The following CHD1L variants were observed in gnomAD, a reference collection of about 807,000 sequenced individuals.
CHD1L encodes the protein ATP-dependent chromatin remodeler CHD1L.
In CHD1L, 118 loss-of-function variants were observed where a neutral mutation model predicts 115.9. That is an observed-to-expected ratio of 1.02 (90% CI 0.88 to 1.19). The LOEUF is 1.19. Ranked by LOEUF, CHD1L falls within the 50% of genes most tolerant of loss-of-function variation. CHD1L has a pLI of 0.00. For synonymous variants in CHD1L, 411 were observed against 387.1 expected (o/e 1.06, Z -0.72); for missense variants, 1,179 against 1,065.3 (o/e 1.11, Z -1.49).
the CHD1L span, among the ~76,000 whole-genome samples, chr1:147,212,130 A>G: frequency 6.6e-6 from 1 of 152,202 alleles, no homozygotes. Flanking sequence ...CCTGATTAGG[A>G]TAATGAGCCC....
intron 5 of CHD1L, among the ~76,000 whole-genome samples, chr1:147,257,535 A>C (rs1670531428): frequency 6.6e-6 from 1 of 152,160 alleles, no homozygotes; most frequent in Non-Finnish European, 1.5e-5. Flanking sequence ...AATATCAGGA[A>C]AGTAAATCAT....
chr1:147,280,069 C>T lies in CHD1L; in HGVS notation c.1583C>T (p.Ser528Phe), dbSNP rs782717581. 6.2e-7 allele frequency: 1 copy of T among 1,614,070 alleles called. No individual in the cohort carries two copies. The highest frequency in any genetic ancestry group is 8.5e-7 in the Non-Finnish European group (1 of 1,180,014). Residue 528 changes from serine to phenylalanine, a missense_variant, in exon 15 of 23, where the codon TCT (serine) becomes TTT (phenylalanine). Ser to Phe is a radical substitution (Grantham distance 155). Transcript: ENST00000369258. ...LKFGLDKLLA[S>F]EGSTMDEIDL... is the part of the protein sequence containing the mutation. Reference sequence around the variant, plus strand: ...TTTGGTTTGGATAAACTGCTGGCCTCTGAGGGGAGCACCATGGATGAAATA... The same window carrying T: ...TTTGGTTTGGATAAACTGCTGGCCTTTGAGGGGAGCACCATGGATGAAATA...
chr1:147,257,163 T>G (rs1238887052), intron 5 of CHD1L, among the ~76,000 whole-genome samples: 1 of 152,132 alleles, frequency 6.6e-6, no homozygotes, highest in Non-Finnish European at 1.5e-5. Flanking sequence ...AGGGCTAGAG[T>G]TTAGGTAAGA....
Position 147,266,039 on chromosome 1 carries a change from T to A in CHD1L, c.847T>A (p.Ser283Thr), listed in dbSNP as rs587737412. Residue 283 changes from serine to threonine, a missense_variant, in exon 8 of 23, where the codon TCA (serine) becomes ACA (threonine). Ser to Thr is a moderately conservative substitution (Grantham distance 58, BLOSUM62 1). Transcript: ENST00000369258. ...KTEVVIYHGM[S>T]ALQKKYYKAI... ...AGAAGTAGTGATATACCATGGCATG[T>A]CAGCATTGCAGAAGAAATACTACAA... 1.2e-6 allele frequency: 2 copies of A among 1,613,696 alleles called. No individual in the cohort carries two copies. Among genetic ancestry groups the A allele is most frequent in the African/African-American group, 1.3e-5 (1 of 75,034 alleles).
At chr1:147,280,395 C>G (rs1680373495) in intron 15 of CHD1L, among the ~76,000 whole-genome samples, 1 of 152,162 alleles carries the variant, frequency 6.6e-6, no homozygotes, top group Non-Finnish European at 1.5e-5. Context: ...TCCCTTGTAG[C>G]TGAACTGTGA....
intron 19 of CHD1L, among the ~76,000 whole-genome samples, chr1:147,288,244 G>C (rs1235490728): frequency 7.0e-6 from 1 of 142,054 alleles, no homozygotes; most frequent in African/African-American, 2.6e-5. Flanking sequence ...AGGATCACTT[G>C]AGTCTAAGAG....
At chr1:147,185,970 A>G in the CHD1L span, among the ~76,000 whole-genome samples, 3 of 152,204 alleles carry the variant, frequency 2.0e-5, no homozygotes, top group South Asian at 6.2e-4. Context: ...TTCTAATTTA[A>G]TACATAAATG....
intron 10 of CHD1L, 62 bp from the exon 11 acceptor site, chr1:147,270,870 G>A: frequency 7.2e-7 from 1 of 1,385,430 alleles, no homozygotes; most frequent in Admixed American, 1.7e-5. Flanking sequence ...AATTTTGCCT[G>A]AGGGAAATTG....
chr1:147,288,148 G>A (rs1486709549), intron 19 of CHD1L, among the ~76,000 whole-genome samples: 1 of 151,748 alleles, frequency 6.6e-6, no homozygotes, highest in Non-Finnish European at 1.5e-5. Context: ...AACATAGTGA[G>A]ATCCTGTCTC....
the CHD1L span, among the ~76,000 whole-genome samples, chr1:147,232,697 C>A: frequency 5.9e-3 from 904 of 152,210 alleles, 4 homozygotes; most frequent in Non-Finnish European, 9.4e-3. Context: ...GATGGGGTTT[C>A]GCTGTGTTGG....
At chr1:147,281,805 A>T (rs114823926) in intron 15 of CHD1L, among the ~76,000 whole-genome samples, 27,085 of 151,600 alleles carry the variant, frequency 0.18, 3,071 homozygotes, top group Middle Eastern at 0.26. Context: ...AAATATATAT[A>T]TATTTATTTA....
rs782298619 is a variant in CHD1L, at chr1:147,293,632, C to T, written c.2416C>T (p.Arg806Cys). 7 of 1,613,938 alleles carry T rather than the reference C, an allele frequency of 4.3e-6. No individual in the cohort carries two copies. In the African/African-American group the frequency reaches 5.3e-5, roughly 12 times the overall value. ...GTTGGCCTTGATTGTGGCTCAGCAT[C>T]GTGATCGTTCCAATGTCCTGTCTGG... ...DLLALIVAQH[R>C]DRSNVLSGIK... The change falls in exon 21 of 23, where the codon CGT (arginine) becomes TGT (cysteine). Residue 806 changes from arginine to cysteine, a missense_variant. Transcript: ENST00000369258.
chr1:147,198,850 C>CAAAAAAAAA, the CHD1L span, among the ~76,000 whole-genome samples: 46 of 51,560 alleles, frequency 8.9e-4, no homozygotes, highest in East Asian at 1.5e-3. Context: ...GACTGCATCT[C>CAAAAAAAAA]AAAAAAAAAA....
At chr1:147,205,781 A>G in the CHD1L span, among the ~76,000 whole-genome samples, 2 of 152,192 alleles carry the variant, frequency 1.3e-5, no homozygotes, top group Non-Finnish European at 2.9e-5. Context: ...TGGATTAAAG[A>G]CTTAAATGTT....
the CHD1L span, chr1:147,201,542 G>GAA: frequency 6.5e-7 from 1 of 1,531,326 alleles, no homozygotes; most frequent in Non-Finnish European, 9.0e-7. Flanking sequence ...AGAAATGAGA[G>GAA]AAAGAGAAAT....
chr1:147,277,182 G>A (rs1384072608), intron 14 of CHD1L, among the ~76,000 whole-genome samples: 2 of 152,070 alleles, frequency 1.3e-5, no homozygotes, highest in African/African-American at 2.4e-5. Context: ...AGAGTGTGCA[G>A]TAAAAATACA....
the CHD1L span, among the ~76,000 whole-genome samples, chr1:147,195,060 G>C: frequency 6.6e-6 from 1 of 151,970 alleles, no homozygotes; most frequent in East Asian, 1.9e-4. Context: ...GGCCTGCCTT[G>C]CTAGATTGGG....
chr1:147,275,145 AAT>A (rs1204973442), intron 12 of CHD1L, among the ~76,000 whole-genome samples: 2 of 152,144 alleles, frequency 1.3e-5, no homozygotes, highest in Non-Finnish European at 2.9e-5. Context: ...CAGTAATAAA[AAT>A]TTTCCCATCA....
chr1:147,282,197 T>G (rs752631907), intron 15 of CHD1L, among the ~76,000 whole-genome samples: 2 of 152,216 alleles, frequency 1.3e-5, no homozygotes, highest in Non-Finnish European at 2.9e-5. Context: ...AGTCAGCTTT[T>G]ACATGGAGGG....
Sources: gnomAD v4.1 joint callset for allele counts (sites outside exome capture counted in the v4.1 genomes callset) on GRCh38, gnomAD v4.1.1 for gene constraint, MANE v1.5 for transcripts, NCBI Gene and HGNC (gene_info 2026-07-23, HGNC 2026-07-21) for gene names.